Variants in ZNF324 observed in about 807,000 individuals in gnomAD.
ZNF324 encodes zinc finger protein 324A.
In ZNF324, 3 loss-of-function variants were observed where a neutral mutation model predicts 10.3. The ratio of observed to expected loss-of-function variants is 0.29; its 90% CI spans 0.13 to 0.75. ZNF324 has a LOEUF of 0.75. ZNF324 is among the 30% of genes least tolerant of loss of function. The pLI, the probability that ZNF324 is intolerant of heterozygous loss-of-function variation, is 0.69. For synonymous variants in ZNF324, 430 were observed against 339.5 expected (o/e 1.27, Z -2.93); for missense variants, 763 against 784.4 (o/e 0.97, Z 0.33).
chr19:58,470,919 T>A lies in ZNF324; in HGVS notation c.427T>A (p.Tyr143Asn). Reference sequence around the variant, plus strand: ...AAAACCCACGGGGGTGTCGGTGATCTACTGGGAGAGGCTCCTGCTAGGCTC... The same window carrying A: ...AAAACCCACGGGGGTGTCGGTGATCAACTGGGAGAGGCTCCTGCTAGGCTC... The part of the protein sequence containing the change: ...ERKPTGVSVI[Y>N]WERLLLGSGS... The change falls in exon 4 of 4, where the codon TAC (tyrosine) becomes AAC (asparagine). Residue 143 changes from tyrosine to asparagine, a missense_variant. Coordinates refer to ENST00000196482, the MANE Select transcript of ZNF324 (RefSeq NM_014347.3). 1 of 1,614,230 alleles carries A rather than the reference T, an allele frequency of 6.2e-7. No homozygotes were observed. Among genetic ancestry groups the A allele is most frequent in the Non-Finnish European group, 8.5e-7 (1 of 1,180,044 alleles).
intron 3 of ZNF324, 37 bp from the exon 4 acceptor site, chr19:58,470,694 A>G (rs1011150272): frequency 3.2e-5 from 52 of 1,612,696 alleles, no homozygotes; most frequent in Non-Finnish European, 4.1e-5. Flanking sequence ...TCTCCTAACC[A>G]GGATGCCCCA....
At position 58,470,900 on chromosome 19, in the gene ZNF324, C is replaced by T; in HGVS notation, c.408C>T (p.Pro136=). The change falls in exon 4 of 4, where the codon CCC becomes CCT. Residue 136 remains proline (P), a synonymous_variant. Transcript: ENST00000196482. ...RGASPSRERK[P]TGVSVIYWER... ...CCTCCCCATCTCGGGAGAGAAAACC[C>T]ACGGGGGTGTCGGTGATCTACTGGG... is the stretch of plus-strand genomic sequence containing the variant. The T allele has an allele frequency of 6.2e-7, 1 of 1,614,244 alleles. No homozygotes were observed. Among genetic ancestry groups the T allele is most frequent in the South Asian group, 1.1e-5 (1 of 91,086 alleles).
chr19:58,470,628 CT>C (rs1200557784), intron 3 of ZNF324, 102 bp from the exon 4 acceptor site: 1 of 1,465,788 alleles, frequency 6.8e-7, no homozygotes, highest in South Asian at 1.1e-5. Context: ...TTCCCCTAAG[CT>C]TTTGTGCCAG....
chr19:58,468,536 C>T (rs2053001052), intron 1 of ZNF324, among the ~76,000 whole-genome samples: 2 of 152,076 alleles, frequency 1.3e-5, no homozygotes, highest in South Asian at 2.1e-4. Flanking sequence ...CAAGCAGGCT[C>T]AGCAGGGGAG....
Position 58,467,106 on chromosome 19 carries a change from C to A in ZNF324, c.-84C>A. On this transcript the variant is annotated 5_prime_UTR_variant, in exon 1 of 4. Coordinates refer to ENST00000196482, the MANE Select transcript of ZNF324 (RefSeq NM_014347.3). Reference sequence around the variant, plus strand: ...CTTCGCCGCCCGCGTCAGGCCACACCGGTGGTCTGGGCTGGGGACCGCGGG... The same window carrying A: ...CTTCGCCGCCCGCGTCAGGCCACACAGGTGGTCTGGGCTGGGGACCGCGGG... The A allele has an allele frequency of 1.1e-5, 2 of 188,622 alleles. No individual in the cohort carries two copies. The highest frequency in any genetic ancestry group is 1.3e-4 in the East Asian group (1 of 7,516). 11.7% of individuals were successfully genotyped at this position (188,622 alleles called of 1,614,324 possible). A position where few individuals can be genotyped will look rare whatever the true frequency, so the allele number is the denominator to read the frequency against.
chr19:58,473,070 G>C lies in ZNF324; in HGVS notation c.*916G>C, dbSNP rs1334285669. On this transcript the variant is annotated 3_prime_UTR_variant, in exon 4 of 4. Coordinates refer to ENST00000196482, the MANE Select transcript of ZNF324 (RefSeq NM_014347.3). ...TGTCACTGACTGGTTTACCAAAGTC[G>C]ATGTGAGGAGGAGGCTTTATACCTG... 1 of 152,680 alleles carries C rather than the reference G, an allele frequency of 6.5e-6. No homozygotes were observed. The highest frequency in any genetic ancestry group is 1.5e-5 in the Non-Finnish European group (1 of 68,064). 9.5% of individuals were successfully genotyped at this position (152,680 alleles called of 1,614,324 possible).
intron 1 of ZNF324, chr19:58,467,755 C>CCAGGT (rs2052994907): frequency 6.6e-6 from 1 of 151,932 alleles, no homozygotes; most frequent in Admixed American, 6.6e-5. Context: ...GAGCCGAAGC[C>CCAGGT]CAGGTGCTTC....
chr19:58,471,118 G>GTTCTC lies in ZNF324; in HGVS notation c.626_627insTTCTC (p.Ala210SerfsTer60). ...GAGGTCCCTGGGAGAACCTTTGGGA[G>GTTCTC]CGCCCAGGACCTGGAGGCTGCCGGC... On this transcript the variant is annotated frameshift_variant, in exon 4 of 4. Transcript: ENST00000196482. LOFTEE classifies it low-confidence loss of function (END_TRUNC). 1 of 1,613,886 alleles carries GTTCTC rather than the reference G, an allele frequency of 6.2e-7. No individual in the cohort carries two copies. Among genetic ancestry groups the GTTCTC allele is most frequent in the Non-Finnish European group, 8.5e-7 (1 of 1,180,038 alleles).
chr19:58,468,317 G>A, intron 1 of ZNF324: 2 of 889,102 alleles, frequency 2.2e-6, no homozygotes, highest in Non-Finnish European at 2.7e-6. Context: ...AAGAAGACCA[G>A]CTGGGATGCC....
rs149546040 is a variant in ZNF324 at position 58,469,800 on chromosome 19, C to T, written c.194C>T (p.Thr65Met). 7.4e-5 allele frequency: 118 copies of T among 1,600,864 alleles called. 1 individual carries two copies. Among genetic ancestry groups the T allele is most frequent in the Middle Eastern group, 1.6e-4 (1 of 6,070 alleles). ...GAGGAGCCCTGGGTTCCCAGTGGAA[C>T]GGACACAACCCTGTCCAGGACCACC... ...RGEEPWVPSG[T>M]DTTLSRTTYR... Residue 65 changes from threonine to methionine, a missense_variant, in exon 3 of 4, where the codon ACG becomes ATG. By Grantham distance (81) the Thr-to-Met change is moderately conservative. Transcript: ENST00000196482.
chr19:58,469,156 G>A (rs1345182956), intron 1 of ZNF324, 24 bp from the exon 2 acceptor site: 1 of 1,614,106 alleles, frequency 6.2e-7, no homozygotes, highest in Admixed American at 1.7e-5. Flanking sequence ...GACCATGGCT[G>A]TCTCTTCCTC....
Position 58,469,200 on chromosome 19 carries a change from T to C in ZNF324, c.15T>C (p.Asp5=). The change falls in exon 2 of 4, where the codon GAT becomes GAC. Residue 5 remains aspartate, a synonymous_variant. Transcript: ENST00000196482. The stretch of plus-strand genomic sequence containing the variant: ...TTTAGGACCAGATGGCCTTTGAGGA[T>C]GTGGCTGTGTACTTCTCCCAGGAGG... MAFE[D]VAVYFSQEEW... is the part of the protein sequence containing the mutation. 2 of 1,614,158 alleles carry C rather than the reference T, an allele frequency of 1.2e-6. No homozygotes were observed. The highest frequency in any genetic ancestry group is 2.2e-5 in the East Asian group (1 of 44,864).
intron 1 of ZNF324, among the ~76,000 whole-genome samples, chr19:58,468,496 A>G (rs2053000610): frequency 6.6e-6 from 1 of 152,120 alleles, no homozygotes; most frequent in Admixed American, 6.5e-5. Context: ...CCAGTCCCTC[A>G]GGCTGGATGA....
intron 3 of ZNF324, among the ~76,000 whole-genome samples, chr19:58,470,299 G>A (rs551351695): frequency 2.0e-4 from 31 of 151,884 alleles, no homozygotes; most frequent in Admixed American, 9.2e-4. Flanking sequence ...AGAGGCAGTC[G>A]GTAAGCAGGA....
chr19:58,471,153 C>T lies in ZNF324; in HGVS notation c.661C>T (p.His221Tyr). The change falls in exon 4 of 4, where the codon CAT (histidine) becomes TAT (tyrosine). Residue 221 changes from histidine (H) to tyrosine (Y), a missense_variant. By Grantham distance (83) the His-to-Tyr change is moderately conservative (BLOSUM62 2). Coordinates refer to ENST00000196482, the MANE Select transcript of ZNF324 (RefSeq NM_014347.3). ...CCTGGAGGCTGCCGGCGGTCGGGGA[C>T]ATCACCGAATGGGTGCAGTTTGGCA... The part of the protein sequence containing the change: ...QDLEAAGGRG[H>Y]HRMGAVWQEP... 1.2e-6 allele frequency: 2 copies of T among 1,613,776 alleles called. No individual in the cohort carries two copies. Among genetic ancestry groups the T allele is most frequent in the Non-Finnish European group, 1.7e-6 (2 of 1,180,026 alleles).
intron 3 of ZNF324, 78 bp downstream of exon 3, chr19:58,469,922 A>T: frequency 8.7e-7 from 1 of 1,150,524 alleles, no homozygotes; most frequent in Non-Finnish European, 1.3e-6. Context: ...CAGACTCCCC[A>T]GAAGCACCCT....
chr19:58,467,807 T>C (rs11671164), intron 1 of ZNF324: 35,042 of 151,038 alleles, frequency 0.23, 4,592 homozygotes, highest in East Asian at 0.38. Context: ...GTAGAGGGGA[T>C]GTGTGCGGCT....
At chr19:58,469,947 C>A in intron 3 of ZNF324, 103 bp downstream of exon 3, 1 of 847,468 alleles carries the variant, frequency 1.2e-6, no homozygotes, top group South Asian at 1.6e-5. Context: ...CCCTCCCTCC[C>A]ACCCGATTCC....
chr19:58,471,390 T>G lies in ZNF324; in HGVS notation c.898T>G (p.Leu300Val). 6.2e-7 allele frequency: 1 copy of G among 1,613,432 alleles called. No homozygotes were observed. The highest frequency in any genetic ancestry group is 8.5e-7 in the Non-Finnish European group (1 of 1,179,832). The stretch of plus-strand genomic sequence containing the variant: ...CAAGGCCTTCAGCCAGACGTCGCAC[T>G]TGACGCAGCACCAGCGCATCCACAG... ...CGKAFSQTSHLTQHQRIHSGE... is the reference protein window; with the variant it reads ...CGKAFSQTSHVTQHQRIHSGE... The change falls in exon 4 of 4, where the codon TTG becomes GTG. Residue 300 changes from leucine to valine, a missense_variant. Physicochemically the swap from Leu to Val is conservative, Grantham distance 32 (BLOSUM62 1). Around this residue, in one of 3 missense-constraint regions of ZNF324, gnomAD observed 153 missense variants for 269.0 expected, o/e 0.57. Coordinates refer to ENST00000196482, the MANE Select transcript of ZNF324 (RefSeq NM_014347.3).
Sources: gnomAD v4.1 joint callset for allele counts (sites outside exome capture counted in the v4.1 genomes callset) on GRCh38, gnomAD v4.1.1 for gene constraint, gnomAD v4.1.1 regional missense constraint, MANE v1.5 for transcripts, NCBI Gene and HGNC (gene_info 2026-07-23, HGNC 2026-07-21) for gene names.